The following PRKCH variants were observed in gnomAD, a reference collection of about 807,000 sequenced individuals.
PRKCH encodes protein kinase C eta type.
A neutral mutation model predicts 82.5 loss-of-function variants in PRKCH; 28 were observed. That is an observed-to-expected ratio of 0.34 (90% CI 0.25 to 0.47). PRKCH has a LOEUF of 0.47. PRKCH is among the 20% of genes least tolerant of loss of function. The pLI is 1.00. For missense variants in PRKCH, 705 were observed against 881.8 expected (o/e 0.80, Z 2.54); for synonymous variants, 322 against 327.4 (o/e 0.98, Z 0.18).
rs533117559 is a variant in PRKCH at position 61,291,323 on chromosome 14, CTTTTTTTTTT to C, written c.-19+103671_-19+103680del. Among the ~76,000 whole-genome samples the C allele has an allele frequency of 1.4e-3, 133 of 96,696 alleles. 1 individual carries two copies. The East Asian group carries it at 0.034, about 25-fold the overall frequency. The allele number at this position is 96,696 out of a possible 152,430, so 63.4% of individuals were successfully genotyped here. A position where few individuals can be genotyped will look rare whatever the true frequency, so the allele number is the denominator to read the frequency against. On this transcript the variant is annotated intron_variant, in intron 1 of 3. Transcript: ENST00000555185. ...AATTGTCTATTAATGCCCTCTGGTTCTTTTTTTTTTTTTTTTTTTTTTTTTGAGACGGAGT... is the reference window on the plus strand; with the variant it reads ...AATTGTCTATTAATGCCCTCTGGTTCTTTTTTTTTTTTTTTGAGACGGAGT...
rs942380665 is a variant in PRKCH at position 61,485,449 on chromosome 14, G to A, written c.1279-53G>A. ...CCTTAGGCAATATGCTGCTGATGGAGCTCTAGGTTAATTGCTACACCACAT... is the reference window on the plus strand; with the variant it reads ...CCTTAGGCAATATGCTGCTGATGGAACTCTAGGTTAATTGCTACACCACAT... On this transcript the variant is annotated intron_variant, in intron 9 of 13. Coordinates refer to ENST00000332981, the MANE Select transcript of PRKCH (RefSeq NM_006255.5). 44 of 1,586,796 alleles carry A rather than the reference G, an allele frequency of 2.8e-5. No homozygotes were observed. In the African/African-American group the frequency reaches 5.9e-4, roughly 21 times the overall value.
chr14:61,418,648 T>G (rs936117054), intron 2 of PRKCH, among the ~76,000 whole-genome samples: 4 of 152,234 alleles, frequency 2.6e-5, no homozygotes, highest in African/African-American at 9.6e-5. Flanking sequence ...TCCCTGACCT[T>G]TCAGCATCAA....
chr14:61,414,831 T>G (rs541774367), intron 2 of PRKCH, among the ~76,000 whole-genome samples: 1 of 152,304 alleles, frequency 6.6e-6, no homozygotes, highest in Admixed American at 6.5e-5. Flanking sequence ...CACTCTTGAA[T>G]ATGAAATGTT....
intron 6 of PRKCH, 132 bp downstream of exon 6, chr14:61,451,103 A>G: frequency 8.4e-7 from 1 of 1,194,124 alleles, no homozygotes; most frequent in East Asian, 2.6e-5. Context: ...CATCTTAGTC[A>G]TTTTAAACTT....
At chr14:61,205,305 C>A (rs1472812676) in intron 1 of PRKCH, among the ~76,000 whole-genome samples, 2 of 152,194 alleles carry the variant, frequency 1.3e-5, no homozygotes, top group Non-Finnish European at 2.9e-5. Context: ...AGAGCCCTGG[C>A]CCTGCCCCAC....
intron 1 of PRKCH, among the ~76,000 whole-genome samples, chr14:61,370,247 G>A (rs1487789840): frequency 6.6e-6 from 1 of 152,090 alleles, no homozygotes; most frequent in Non-Finnish European, 1.5e-5. Flanking sequence ...CCGGCCATGT[G>A]TGTTCTTTTA....
intron 1 of PRKCH, among the ~76,000 whole-genome samples, chr14:61,257,870 A>G (rs2045012874): frequency 6.6e-6 from 1 of 152,196 alleles, no homozygotes; most frequent in Non-Finnish European, 1.5e-5. Context: ...CCCTGATACC[A>G]TAAAATGCTT....
rs6145367 is a variant in PRKCH, at chr14:61,209,310, TAAAAAAAAAAAA to T, written c.-19+21655_-19+21666del. ...AATGGACTAAGACAGTGCCTTTATT[TAAAAAAAAAAAA>T]AAAAAAAAAAAAGCTACTCATCCAC... On this transcript the variant is annotated intron_variant, in intron 1 of 3. Transcript: ENST00000555185. Among the ~76,000 whole-genome samples the T allele has an allele frequency of 8.5e-3, 790 of 92,904 alleles. 14 individuals are homozygous for T. Among genetic ancestry groups the T allele is most frequent in the African/African-American group, 0.026 (730 of 28,406 alleles). The allele number at this position is 92,904 out of a possible 152,430, so 60.9% of individuals were successfully genotyped here.
Position 61,425,181 on chromosome 14 carries a change from G to A in PRKCH, c.428-17930G>A, listed in dbSNP as rs1032653923. On this transcript the variant is annotated intron_variant, in intron 2 of 13. Coordinates refer to ENST00000332981, the MANE Select transcript of PRKCH (RefSeq NM_006255.5). ...GGAGCCCCCACACAGAGACCCCACC[G>A]TGGCACTGCTTAGTTCAGCTGTGAG... Among the ~76,000 whole-genome samples the A allele has an allele frequency of 3.3e-5, 5 of 152,200 alleles. No homozygotes were observed. In the East Asian group the frequency reaches 5.8e-4, roughly 18 times the overall value.
chr14:61,530,374 G>A, intron 11 of PRKCH, 33 bp from the exon 12 acceptor site: 1 of 1,474,018 alleles, frequency 6.8e-7, no homozygotes, highest in Non-Finnish European at 9.1e-7. Context: ...TCTGATGTAT[G>A]AACCACCTTC....
At chr14:61,531,721 CTG>C (rs748774900) in intron 12 of PRKCH, among the ~76,000 whole-genome samples, 1 of 152,192 alleles carries the variant, frequency 6.6e-6, no homozygotes, top group Non-Finnish European at 1.5e-5. Context: ...CCTCCTGAAA[CTG>C]AGAAAGCACT....
chr14:61,262,219 T>TAAATAAAAAAAAAAAAAAAAAAA (rs1356058235), intron 1 of PRKCH, among the ~76,000 whole-genome samples: 1 of 106,612 alleles, frequency 9.4e-6, no homozygotes, highest in African/African-American at 4.1e-5. Context: ...AGACTCTGTA[T>TAAATAAAAAAAAAAAAAAAAAAA]AAAAAAAAAA....
At chr14:61,410,977 A>G (rs767694290) in intron 2 of PRKCH, among the ~76,000 whole-genome samples, 1 of 152,242 alleles carries the variant, frequency 6.6e-6, no homozygotes, top group South Asian at 2.1e-4. Flanking sequence ...GACAGAAAGT[A>G]TGAGACATCG....
chr14:61,338,864 A>G (rs1034244194), intron 1 of PRKCH, among the ~76,000 whole-genome samples: 5 of 152,182 alleles, frequency 3.3e-5, no homozygotes, highest in Admixed American at 2.6e-4. Context: ...CCAAACTTGT[A>G]TATGTAGAAT....
At chr14:61,399,318 A>G (rs1162914479) in intron 2 of PRKCH, among the ~76,000 whole-genome samples, 1 of 152,244 alleles carries the variant, frequency 6.6e-6, no homozygotes, top group African/African-American at 2.4e-5. Flanking sequence ...CAAAAACCAG[A>G]ATCTGGGTTA....
At chr14:61,191,064 G>A (rs1245158686) in intron 1 of PRKCH, among the ~76,000 whole-genome samples, 1 of 152,116 alleles carries the variant, frequency 6.6e-6, no homozygotes, top group African/African-American at 2.4e-5. Flanking sequence ...TCAAAACAAT[G>A]AAAAAGATTA....
intron 1 of PRKCH, among the ~76,000 whole-genome samples, chr14:61,385,407 A>G (rs1385130471): frequency 6.6e-6 from 1 of 152,204 alleles, no homozygotes; most frequent in East Asian, 1.9e-4. Context: ...GAAGGTTTTG[A>G]GCCTAACCAC....
In PRKCH at chr14:61,334,053, A is replaced by G. The variant is rs1003336931; in HGVS notation, c.363+11589A>G. Among the ~76,000 whole-genome samples, 10 of 152,280 alleles carry G rather than the reference A, an allele frequency of 6.6e-5. No individual in the cohort carries two copies. The East Asian group carries it at 1.9e-3, about 29-fold the overall frequency. On this transcript the variant is annotated intron_variant, in intron 1 of 13. Transcript: ENST00000332981. ...TGTTGGTGGAAACTGAGCTGAATGG[A>G]GACTGTCCACAGAGCAGCCCCCTAG...
chr14:61,493,713 C>T lies in PRKCH; in HGVS notation c.1433+8057C>T, dbSNP rs148178756. On this transcript the variant is annotated intron_variant, in intron 10 of 13. Transcript: ENST00000332981. The stretch of plus-strand genomic sequence containing the variant: ...TGAGTGGATTTATATTTTACTTTTA[C>T]GTGCGGGTGGGGGGCATGGCATGTG... Among the ~76,000 whole-genome samples, 586 of 151,844 alleles carry T rather than the reference C, an allele frequency of 3.9e-3. 19 individuals are homozygous for T. The East Asian group carries it at 0.061, about 16-fold the overall frequency.
Sources: gnomAD v4.1 joint callset for allele counts (sites outside exome capture counted in the v4.1 genomes callset) on GRCh38, gnomAD v4.1.1 for gene constraint, MANE v1.5 for transcripts, NCBI Gene and HGNC (gene_info 2026-07-23, HGNC 2026-07-21) for gene names.